The following FOXJ3 variants were observed in gnomAD, a reference collection of about 807,000 sequenced individuals.
The protein encoded by FOXJ3 is forkhead box J3.
A neutral mutation model predicts 76.1 loss-of-function variants in FOXJ3; 22 were observed. That is an observed-to-expected ratio of 0.29 (90% CI 0.21 to 0.41). FOXJ3 has a LOEUF of 0.41. Among genes scored for constraint, FOXJ3 ranks in the 10% least tolerant of loss-of-function variants. The pLI, the probability that FOXJ3 is intolerant of heterozygous loss-of-function variation, is 1.00. For missense variants in FOXJ3, 613 were observed against 762.1 expected, an observed-to-expected ratio of 0.80 and a Z score of 2.30; for synonymous variants, 269 against 261.2, an observed-to-expected ratio of 1.03 and a Z score of -0.29.
intron 1 of FOXJ3, chr1:42,334,012 G>T (rs986511846): frequency 4.7e-6 from 1 of 215,046 alleles, no homozygotes; most frequent in Non-Finnish European, 8.0e-6. Flanking sequence ...TAGAGTGAAT[G>T]GCTCTAACTC....
intron 2 of FOXJ3, among the ~76,000 whole-genome samples, chr1:42,282,832 C>T (rs1652814043): frequency 6.6e-6 from 1 of 152,112 alleles, no homozygotes; most frequent in South Asian, 2.1e-4. Context: ...AGTATAAATA[C>T]ACCTATCACA....
At position 42,181,104 on chromosome 1, in the gene FOXJ3, C is replaced by A. The variant is rs149162840; in HGVS notation, c.1753+813G>T. 3.3e-3 allele frequency among the ~76,000 whole-genome samples: 496 copies of A among 152,322 alleles called. 4 individuals carry two copies. Among genetic ancestry groups the A allele is most frequent in the African/African-American group, 0.011 (470 of 41,578 alleles). The stretch of plus-strand genomic sequence containing the variant: ...ACCCCCAACCCCATTACCTTTATGT[C>A]TTTTCCTCAAATAGCCTAAGTAAAG... On this transcript the variant is annotated intron_variant, in intron 12 of 12. Coordinates refer to ENST00000361346, the MANE Select transcript of FOXJ3 (RefSeq NM_014947.5).
At chr1:42,316,173 C>G (rs940802927) in intron 1 of FOXJ3, among the ~76,000 whole-genome samples, 67 of 151,768 alleles carry the variant, frequency 4.4e-4, no homozygotes, top group African/African-American at 1.6e-3. Flanking sequence ...TGAATAAGTT[C>G]GTTTTGTTTT....
Position 42,278,566 on chromosome 1 carries a change from T to G in FOXJ3, c.151A>C (p.Thr51Pro), listed in dbSNP as rs767008217. 1 of 1,614,160 alleles carries G rather than the reference T, an allele frequency of 6.2e-7. No homozygotes were observed. The highest frequency in any genetic ancestry group is 1.1e-5 in the South Asian group (1 of 91,078). The change falls in exon 3 of 13, where the codon ACA (threonine) becomes CCA (proline). Residue 51 changes from threonine to proline, a missense_variant. By Grantham distance (38) the Thr-to-Pro change is conservative (BLOSUM62 -1). Coordinates refer to ENST00000361346, the MANE Select transcript of FOXJ3 (RefSeq NM_014947.5). ...AGTGCATTCTTCTTAGAAATTCCTG[T>G]TCCATGTGCATTTTGTGTAGCATCA... ...KSDATQNAHGTGISKKNALLD... is the reference protein window; with the variant it reads ...KSDATQNAHGPGISKKNALLD...
chr1:42,237,467 CATATAT>C (rs1309725004), intron 4 of FOXJ3, among the ~76,000 whole-genome samples: 1 of 139,352 alleles, frequency 7.2e-6, no homozygotes, highest in African/African-American at 2.7e-5. Flanking sequence ...CATACATATA[CATATAT>C]ATGTATATAT....
At chr1:42,321,233 C>T (rs923053094) in intron 1 of FOXJ3, among the ~76,000 whole-genome samples, 16 of 151,962 alleles carry the variant, frequency 1.1e-4, no homozygotes, top group Admixed American at 7.9e-4. Context: ...AGTCTGATTC[C>T]GGAACTACTG....
chr1:42,313,129 G>A (rs1398792047), intron 1 of FOXJ3, among the ~76,000 whole-genome samples: 3 of 152,166 alleles, frequency 2.0e-5, no homozygotes, highest in Non-Finnish European at 4.4e-5. Flanking sequence ...GAGGTCAGAA[G>A]TTTGAGACCA....
intron 2 of FOXJ3, among the ~76,000 whole-genome samples, chr1:42,301,143 A>T (rs951983291): frequency 6.6e-6 from 1 of 152,084 alleles, no homozygotes; most frequent in Non-Finnish European, 1.5e-5. Flanking sequence ...TAGAATATCT[A>T]TAACCTGTAA....
chr1:42,194,451 ACT>A (rs1646611975), intron 8 of FOXJ3, among the ~76,000 whole-genome samples: 1 of 152,196 alleles, frequency 6.6e-6, no homozygotes, highest in Non-Finnish European at 1.5e-5. Context: ...TAAGTGCCAC[ACT>A]CAAAATCACA....
At chr1:42,214,262 C>T (rs1647022039) in intron 5 of FOXJ3, among the ~76,000 whole-genome samples, 1 of 152,172 alleles carries the variant, frequency 6.6e-6, no homozygotes, top group Admixed American at 6.5e-5. Context: ...CTCTGACATT[C>T]ACTCAATAGC....
At chr1:42,333,220 G>A (rs577437326) in intron 1 of FOXJ3, among the ~76,000 whole-genome samples, 177 of 152,030 alleles carry the variant, frequency 1.2e-3, no homozygotes, top group Middle Eastern at 0.01. Context: ...TAGAAGGAAA[G>A]GGAATATACG....
intron 4 of FOXJ3, among the ~76,000 whole-genome samples, chr1:42,240,604 A>G (rs1649058699): frequency 6.6e-6 from 1 of 152,230 alleles, no homozygotes; most frequent in African/African-American, 2.4e-5. Flanking sequence ...TACCAAGACA[A>G]TTCAACAGGG....
intron 2 of FOXJ3, among the ~76,000 whole-genome samples, chr1:42,285,276 C>A (rs1179512626): frequency 6.6e-6 from 1 of 152,042 alleles, no homozygotes; most frequent in Non-Finnish European, 1.5e-5. Flanking sequence ...CCCCCTACCC[C>A]ACCCCTGTAT....
At chr1:42,314,304 G>A (rs1047816506) in intron 1 of FOXJ3, among the ~76,000 whole-genome samples, 10 of 152,150 alleles carry the variant, frequency 6.6e-5, no homozygotes, top group South Asian at 4.1e-4. Flanking sequence ...AGGCTGGAGG[G>A]CAATGGCGCC....
chr1:42,218,696 C>T (rs1226647155), intron 5 of FOXJ3, among the ~76,000 whole-genome samples: 1 of 152,198 alleles, frequency 6.6e-6, no homozygotes, highest in Non-Finnish European at 1.5e-5. Flanking sequence ...CATCATGTCA[C>T]TACTCTATTC....
At chr1:42,242,091 C>T (rs1046136592) in intron 4 of FOXJ3, among the ~76,000 whole-genome samples, 1 of 151,962 alleles carries the variant, frequency 6.6e-6, no homozygotes, top group Non-Finnish European at 1.5e-5. Flanking sequence ...ATGTGACAGA[C>T]GTCTCATAGA....
chr1:42,195,296 A>C (rs1167066553), intron 7 of FOXJ3, among the ~76,000 whole-genome samples: 3 of 152,244 alleles, frequency 2.0e-5, no homozygotes, highest in Non-Finnish European at 4.4e-5. Flanking sequence ...TCACAGAAGG[A>C]AAGAATTCAA....
intron 3 of FOXJ3, among the ~76,000 whole-genome samples, chr1:42,273,413 C>T (rs1301692697): frequency 6.6e-6 from 1 of 152,090 alleles, no homozygotes; most frequent in Non-Finnish European, 1.5e-5. Flanking sequence ...GTGGCTCACA[C>T]CTGTAATACC....
At position 42,325,204 on chromosome 1, in the gene FOXJ3, G is replaced by A. The variant is rs560339021; in HGVS notation, c.-18+9855C>T. The stretch of plus-strand genomic sequence containing the variant: ...TTAAGTTCCCAAAGCAAACCTGAAT[G>A]CCCAGGTCATCTACCTCAGTAACAA... On this transcript the variant is annotated intron_variant, in intron 1 of 12. Transcript: ENST00000361346. Among the ~76,000 whole-genome samples, 3 of 152,328 alleles carry A rather than the reference G, an allele frequency of 2.0e-5. No individual in the cohort carries two copies. The East Asian group carries it at 5.8e-4, about 29-fold the overall frequency.
Sources: gnomAD v4.1 joint callset for allele counts (sites outside exome capture counted in the v4.1 genomes callset) on GRCh38, gnomAD v4.1.1 for gene constraint, MANE v1.5 for transcripts, NCBI Gene and HGNC (gene_info 2026-07-23, HGNC 2026-07-21) for gene names.